The following TRRAP variants were observed in gnomAD, a reference collection of about 807,000 sequenced individuals.
The protein encoded by TRRAP is transformation/transcription domain-associated protein.
Under a neutral mutation model 438.8 loss-of-function variants are expected in TRRAP, and 41 were observed. That is an observed-to-expected ratio of 0.09 (90% confidence interval 0.07 to 0.12). TRRAP has a LOEUF of 0.12. Among genes scored for constraint, TRRAP ranks in the 10% least tolerant of loss-of-function variants. The pLI is 1.00. For synonymous variants in TRRAP, 1,994 were observed against 1,962.9 expected (o/e 1.02, Z -0.42); for missense variants, 3,122 against 5,055.1 (o/e 0.62, Z 11.60).
At chr7:98,890,900 C>T (rs1795938605) in intron 4 of TRRAP, among the ~76,000 whole-genome samples, 1 of 147,502 alleles carries the variant, frequency 6.8e-6, no homozygotes, top group South Asian at 2.2e-4. Context: ...AGGTGATCTT[C>T]CCACCTCAGT....
rs1397187947 is a variant in TRRAP at position 98,967,624 on chromosome 7, C to T, written c.7438C>T (p.Arg2480Cys). Residue 2480 changes from arginine to cysteine, a missense_variant, in exon 51 of 73, where the codon CGC (arginine) becomes TGC (cysteine). Coordinates refer to ENST00000456197, the MANE Select transcript of TRRAP (RefSeq NM_001375524.1). The stretch of plus-strand genomic sequence containing the variant: ...CTCCATGAAACGTCGTGTCTACGAG[C>T]GCTTGCTCTATGTGACCTGTTCGCA... ...DNSMKRRVYE[R>C]LLYVTCSQNW... The T allele has an allele frequency of 9.9e-6, 16 of 1,614,028 alleles. No homozygotes were observed. The highest frequency in any genetic ancestry group is 1.3e-5 in the Non-Finnish European group (15 of 1,180,018).
At chr7:98,935,704 A>C (rs1790525788) in intron 28 of TRRAP, 29 bp downstream of exon 28, 1 of 1,561,122 alleles carries the variant, frequency 6.4e-7, no homozygotes, top group Non-Finnish European at 8.8e-7. Context: ...ACGGGGTATA[A>C]AAGTGAAAGG....
At position 98,967,153 on chromosome 7, in the gene TRRAP, A is replaced by G. The variant is rs759248792; in HGVS notation, c.7289A>G (p.Tyr2430Cys). Residue 2430 changes from tyrosine to cysteine, a missense_variant, in exon 50 of 73, where the codon TAT (tyrosine) becomes TGT (cysteine). Tyr to Cys is a radical substitution (Grantham distance 194, BLOSUM62 -2). Coordinates refer to ENST00000456197, the MANE Select transcript of TRRAP (RefSeq NM_001375524.1). ...LNAQFLDLVN[Y>C]VYRDETLSGS... ...GCCCAGTTTTTAGATCTTGTTAACT[A>G]TGTCTACAGGTAATTACAGCAATTA... 13 of 1,613,768 alleles carry G rather than the reference A, an allele frequency of 8.1e-6. No individual in the cohort carries two copies. Among genetic ancestry groups the G allele is most frequent in the African/African-American group, 5.3e-5 (4 of 74,894 alleles).
chr7:98,891,587 G>A (rs1795982243), intron 4 of TRRAP, among the ~76,000 whole-genome samples: 1 of 143,024 alleles, frequency 7.0e-6, no homozygotes, highest in African/African-American at 2.6e-5. Flanking sequence ...CCAGGCTGAA[G>A]TGCAGTGGCG....
chr7:98,979,793 A>G (rs1303492692), intron 58 of TRRAP, among the ~76,000 whole-genome samples: 1 of 152,218 alleles, frequency 6.6e-6, no homozygotes, highest in Non-Finnish European at 1.5e-5. Context: ...CTGCTTAGAA[A>G]AAAACTCAAA....
intron 39 of TRRAP, 58 bp from the exon 40 acceptor site, chr7:98,953,109 C>A: frequency 1.3e-6 from 2 of 1,573,214 alleles, no homozygotes; most frequent in Non-Finnish European, 1.7e-6. Flanking sequence ...TCGTATGACC[C>A]TCAGTCAGTA....
chr7:98,985,760 A>G (rs1429857782), intron 62 of TRRAP, among the ~76,000 whole-genome samples: 3 of 152,238 alleles, frequency 2.0e-5, no homozygotes, highest in African/African-American at 7.2e-5. Flanking sequence ...AGTTTTGTCA[A>G]CATAAAAAGG....
intron 23 of TRRAP, among the ~76,000 whole-genome samples, chr7:98,929,583 T>C (rs1295387408): frequency 6.6e-6 from 1 of 152,064 alleles, no homozygotes; most frequent in African/African-American, 2.4e-5. Flanking sequence ...TGGTGGCTTT[T>C]TATGGAGTTT....
rs146683342 is a variant in TRRAP at position 98,957,489 on chromosome 7, G to A, written c.6232-492G>A. On this transcript the variant is annotated intron_variant, in intron 43 of 72. Coordinates refer to ENST00000456197, the MANE Select transcript of TRRAP (RefSeq NM_001375524.1). Reference sequence around the variant, plus strand: ...AGTCAGGTTGCCATTCCCCTTGCTTGAGCCCTCGCATTGACTGTGGCCTCC... The same window carrying A: ...AGTCAGGTTGCCATTCCCCTTGCTTAAGCCCTCGCATTGACTGTGGCCTCC... Among the ~76,000 whole-genome samples, 273 of 152,308 alleles carry A rather than the reference G, an allele frequency of 1.8e-3. 1 individual carries two copies. The highest frequency in any genetic ancestry group is 2.7e-3 in the Non-Finnish European group (184 of 68,030).
At chr7:98,930,937 G>T in intron 25 of TRRAP, 107 bp downstream of exon 25, 1 of 1,396,680 alleles carries the variant, frequency 7.2e-7, no homozygotes, top group South Asian at 1.3e-5. Context: ...GCAGCATGGT[G>T]ACTTTGATAC....
chr7:98,981,985 C>T, intron 59 of TRRAP, 25 bp downstream of exon 59: 1 of 1,539,406 alleles, frequency 6.5e-7, no homozygotes, highest in Non-Finnish European at 8.7e-7. Flanking sequence ...CCCATGCGAG[C>T]ACAGGCCTGT....
At chr7:98,938,651 A>G (rs1317962141) in intron 30 of TRRAP, among the ~76,000 whole-genome samples, 1 of 152,232 alleles carries the variant, frequency 6.6e-6, no homozygotes, top group Non-Finnish European at 1.5e-5. Flanking sequence ...TGGCTGCAGA[A>G]TACCTCATGA....
intron 30 of TRRAP, among the ~76,000 whole-genome samples, chr7:98,941,060 C>T (rs567634444): frequency 6.6e-6 from 1 of 152,278 alleles, no homozygotes; most frequent in South Asian, 2.1e-4. Context: ...ATTTTGAGTT[C>T]ATTTTTGTAT....
intron 39 of TRRAP, among the ~76,000 whole-genome samples, chr7:98,952,560 T>C (rs1415444778): frequency 6.6e-6 from 1 of 152,228 alleles, no homozygotes; most frequent in Non-Finnish European, 1.5e-5. Flanking sequence ...CCAAAAAGTA[T>C]CTGAGACGGA....
chr7:98,909,094 G>A, intron 14 of TRRAP, 132 bp downstream of exon 14: 2 of 824,846 alleles, frequency 2.4e-6, no homozygotes, highest in South Asian at 3.7e-5. Context: ...CGTGATCTCA[G>A]CTCACTGCAA....
chr7:98,915,297 A>C (rs541308604), intron 18 of TRRAP, among the ~76,000 whole-genome samples: 7 of 152,024 alleles, frequency 4.6e-5, no homozygotes, highest in Non-Finnish European at 8.8e-5. Flanking sequence ...GGCTCAAGCA[A>C]TTCTCTTGCC....
chr7:98,930,259 A>T (rs1790262442), intron 24 of TRRAP, 53 bp downstream of exon 24: 7 of 1,588,444 alleles, frequency 4.4e-6, no homozygotes, highest in Non-Finnish European at 6.0e-6. Context: ...TGTACCTGAG[A>T]GTGGTCCTTC....
chr7:98,926,471 A>G (rs1403540264), intron 22 of TRRAP, among the ~76,000 whole-genome samples: 5 of 152,250 alleles, frequency 3.3e-5, no homozygotes, highest in Admixed American at 6.5e-5. Flanking sequence ...GTTTGAAAAA[A>G]GAATTGCCAA....
Position 98,899,493 on chromosome 7 carries a change from G to A in TRRAP, c.705G>A (p.Met235Ile). The A allele has an allele frequency of 2.5e-6, 4 of 1,614,162 alleles. No individual in the cohort carries two copies. In the Admixed American group the frequency reaches 5.0e-5, roughly 20 times the overall value. The change falls in exon 9 of 73, where the codon ATG (methionine) becomes ATA (isoleucine). Residue 235 changes from methionine (M) to isoleucine (I), a missense_variant. By Grantham distance (10) the Met-to-Ile change is conservative. Transcript: ENST00000456197. ...AATTGCCCATTATTGTTGTTTTAAT[G>A]TATCAGGTATGTGTATTGCTCATTA... The part of the protein sequence containing the change: ...LAELPIIVVL[M>I]YQLYKLNIHN...
Sources: gnomAD v4.1 joint callset for allele counts (sites outside exome capture counted in the v4.1 genomes callset) on GRCh38, gnomAD v4.1.1 for gene constraint, MANE v1.5 for transcripts, NCBI Gene and HGNC (gene_info 2026-07-23, HGNC 2026-07-21) for gene names.